The following YPEL1 variants were observed in gnomAD, a reference collection of about 807,000 sequenced individuals.
The protein encoded by YPEL1 is yippee like 1.
YPEL1 carries 7 observed loss-of-function variants against 17.3 expected under a neutral mutation model. The ratio of observed to expected loss-of-function variants is 0.40; its 90% CI spans 0.23 to 0.76. The LOEUF (loss-of-function observed/expected upper bound fraction) is 0.76. YPEL1 is among the 30% of genes least tolerant of loss of function. The pLI, the probability that YPEL1 is intolerant of heterozygous loss-of-function variation, is 0.35. For missense variants in YPEL1, 91 were observed against 155.5 expected, an observed-to-expected ratio of 0.59 and a Z score of 2.21; for synonymous variants, 59 against 59.6, an observed-to-expected ratio of 0.99 and a Z score of 0.05.
chr22:21,698,261 CAAAAA>C lies in YPEL1; in HGVS notation c.*2863_*2867del, dbSNP rs35100577. The C allele has an allele frequency of 8.1e-6, 1 of 123,204 alleles. No homozygotes were observed. The highest frequency in any genetic ancestry group is 3.1e-5 in the African/African-American group (1 of 32,086). The allele number at this position is 123,204 out of a possible 1,614,324, so 7.6% of individuals were successfully genotyped here. A position where few individuals can be genotyped will look rare whatever the true frequency, so the allele number is the denominator to read the frequency against. ...ATAAAAGTGTTGTTGGTATAAATTA[CAAAAA>C]AAAAAAAAAATACAAAAGTCATAAG... On this transcript the variant is annotated 3_prime_UTR_variant, in exon 5 of 5. Transcript: ENST00000339468.
Position 21,703,714 on chromosome 22 carries a change from G to GGGA in YPEL1, c.161+124_161+125insTCC, listed in dbSNP as rs2148595639. 1.8e-6 allele frequency: 2 copies of GGGA among 1,120,356 alleles called. No homozygotes were observed. Among genetic ancestry groups the GGGA allele is most frequent in the African/African-American group, 1.6e-5 (1 of 61,458 alleles). The allele number at this position is 1,120,356 out of a possible 1,614,324, so 69.4% of individuals were successfully genotyped here. A position where few individuals can be genotyped will look rare whatever the true frequency, so the allele number is the denominator to read the frequency against. On this transcript the variant is annotated intron_variant, in intron 3 of 4. Transcript: ENST00000339468. The surrounding 1 kb of genome is among the most constrained non-coding windows in gnomAD (Gnocchi z 6.1). ...AGCGCGTTTCAGAAACTCCCGGCGG[G>GGGA]GGGATGGTGGGTTCTTTCAGGACCC...
chr22:21,701,444 C>A (rs748223800), intron 4 of YPEL1, among the ~76,000 whole-genome samples: 1 of 152,178 alleles, frequency 6.6e-6, no homozygotes, highest in Non-Finnish European at 1.5e-5. Flanking sequence ...GTGCTCGCTT[C>A]GGCAGCGCAT....
intron 2 of YPEL1, chr22:21,710,396 C>G (rs1285280011): frequency 5.3e-6 from 3 of 565,504 alleles, no homozygotes; most frequent in Non-Finnish European, 9.5e-6. Flanking sequence ...CTGGGAGTGC[C>G]AGCTGCCTGG....
intron 1 of YPEL1, among the ~76,000 whole-genome samples, chr22:21,718,575 C>T (rs2068251190): frequency 5.9e-5 from 9 of 152,276 alleles, no homozygotes; most frequent in Admixed American, 5.2e-4. Context: ...CAGGTGGATA[C>T]AGACAGCACA....
rs535675530 is a variant in YPEL1, at chr22:21,706,158, C to T, written c.118-2276G>A. ...AAAAAATTTTAAGAAAGGCTGGGCG[C>T]GGTGGTTCATGCCTGTAATCCCAGT... On this transcript the variant is annotated intron_variant, in intron 2 of 4. Coordinates refer to ENST00000339468, the MANE Select transcript of YPEL1 (RefSeq NM_013313.5). 8.0e-5 allele frequency among the ~76,000 whole-genome samples: 12 copies of T among 150,716 alleles called. 1 individual carries two copies. Among genetic ancestry groups the T allele is most frequent in the African/African-American group, 2.4e-4 (10 of 40,996 alleles).
chr22:21,717,218 A>G lies in YPEL1; in HGVS notation c.-164-6310T>C, dbSNP rs191677467. 3.9e-5 allele frequency among the ~76,000 whole-genome samples: 6 copies of G among 152,196 alleles called. No homozygotes were observed. The East Asian group carries it at 1.2e-3, about 29-fold the overall frequency. ...CGGTGAAACCCCGTCTCTACTAAAA[A>G]TACAAAAATTAGCCGGGCGTGGTGG... is the stretch of plus-strand genomic sequence containing the variant. On this transcript the variant is annotated intron_variant, in intron 1 of 4. Coordinates refer to ENST00000339468, the MANE Select transcript of YPEL1 (RefSeq NM_013313.5).
chr22:21,734,785 C>T (rs1171350459), intron 1 of YPEL1, among the ~76,000 whole-genome samples: 1 of 152,170 alleles, frequency 6.6e-6, no homozygotes, highest in Non-Finnish European at 1.5e-5. Flanking sequence ...CCTGGAAAGT[C>T]TCCCCAGTGG....
At chr22:21,709,077 C>T (rs1483452410) in intron 2 of YPEL1, among the ~76,000 whole-genome samples, 8 of 152,232 alleles carry the variant, frequency 5.3e-5, no homozygotes, top group East Asian at 3.9e-4. Context: ...GGCATGCTTC[C>T]GAAACAAAAC....
intron 2 of YPEL1, among the ~76,000 whole-genome samples, chr22:21,709,010 G>C (rs556151650): frequency 1.3e-5 from 2 of 152,234 alleles, no homozygotes; most frequent in East Asian, 3.9e-4. Flanking sequence ...ATGACCTCCA[G>C]GCTGTTCAAC....
Position 21,710,722 on chromosome 22 carries a change from T to C in YPEL1, c.23A>G (p.Lys8Arg). ...GTTCGGCAGATACGCTTGGAAAGTT[T>C]TGGACTTTGTCATTTTCACCATCTC... MVKMTKS[K>R]TFQAYLPNCH... The change falls in exon 2 of 5, where the codon AAA (lysine) becomes AGA (arginine). Residue 8 changes from lysine (K) to arginine (R), a missense_variant. Coordinates refer to ENST00000339468, the MANE Select transcript of YPEL1 (RefSeq NM_013313.5). The C allele has an allele frequency of 1.9e-6, 3 of 1,614,242 alleles. No individual in the cohort carries two copies. Among genetic ancestry groups the C allele is most frequent in the East Asian group, 2.2e-5 (1 of 44,882 alleles).
intron 1 of YPEL1, among the ~76,000 whole-genome samples, chr22:21,734,469 G>A (rs2068417981): frequency 6.6e-6 from 1 of 152,150 alleles, no homozygotes; most frequent in South Asian, 2.1e-4. Context: ...TTTAAAAGAA[G>A]ACTATTGCTC....
At position 21,701,022 on chromosome 22, in the gene YPEL1, T is replaced by G; in HGVS notation, c.*107A>C. ...TCAAGAGCTATGCGCAGCTAGCCTTTGAGGTCAGAGGGCAAGAAAGGCTGT... is the reference window on the plus strand; with the variant it reads ...TCAAGAGCTATGCGCAGCTAGCCTTGGAGGTCAGAGGGCAAGAAAGGCTGT... On this transcript the variant is annotated 3_prime_UTR_variant, in exon 5 of 5. Transcript: ENST00000339468. 1.0e-6 allele frequency: 1 copy of G among 973,544 alleles called. No homozygotes were observed. Among genetic ancestry groups the G allele is most frequent in the Non-Finnish European group, 1.6e-6 (1 of 628,178 alleles). The allele number at this position is 973,544 out of a possible 1,614,324, so 60.3% of individuals were successfully genotyped here. A position where few individuals can be genotyped will look rare whatever the true frequency, so the allele number is the denominator to read the frequency against.
chr22:21,732,297 CTT>C (rs2068395568), intron 1 of YPEL1, among the ~76,000 whole-genome samples: 1 of 152,220 alleles, frequency 6.6e-6, no homozygotes, highest in African/African-American at 2.4e-5. Context: ...GCTCAAATCT[CTT>C]GTCAAAATTC....
Position 21,703,264 on chromosome 22 carries a change from A to T in YPEL1, c.270+106T>A. The T allele has an allele frequency of 1.0e-6, 1 of 975,950 alleles. No individual in the cohort carries two copies. Among genetic ancestry groups the T allele is most frequent in the Non-Finnish European group, 1.6e-6 (1 of 628,382 alleles). The allele number at this position is 975,950 out of a possible 1,614,324, so 60.5% of individuals were successfully genotyped here. A position where few individuals can be genotyped will look rare whatever the true frequency, so the allele number is the denominator to read the frequency against. ...CGGCTGAGGAACTGGGGTTTCTGAA[A>T]GTGCTGTGACTGGTACCATGGGCCA... On this transcript the variant is annotated intron_variant, in intron 4 of 4. Transcript: ENST00000339468. The surrounding 1 kb of genome is among the most constrained non-coding windows in gnomAD (Gnocchi z 6.1).
At chr22:21,702,912 C>T (rs2068079520) in intron 4 of YPEL1, among the ~76,000 whole-genome samples, 1 of 152,138 alleles carries the variant, frequency 6.6e-6, no homozygotes, top group African/African-American at 2.4e-5. Flanking sequence ...AATTCAAGGT[C>T]CCTGAGAAAG....
chr22:21,706,445 A>T (rs1012894241), intron 2 of YPEL1, among the ~76,000 whole-genome samples: 3 of 152,082 alleles, frequency 2.0e-5, no homozygotes, highest in African/African-American at 7.2e-5. Flanking sequence ...ACAAAAAAAA[A>T]AAAAAGAAAA....
intron 1 of YPEL1, among the ~76,000 whole-genome samples, chr22:21,723,930 G>A (rs1206110607): frequency 1.3e-5 from 2 of 152,098 alleles, no homozygotes; most frequent in Non-Finnish European, 2.9e-5. Context: ...GCCTCCCAAA[G>A]TGCTGGGATT....
At position 21,700,767 on chromosome 22, in the gene YPEL1, AC is replaced by A; in HGVS notation, c.*361del. On this transcript the variant is annotated 3_prime_UTR_variant, in exon 5 of 5. Transcript: ENST00000339468. ...TGGGATTACAGGCGTGAGCCACCGC[AC>A]CCGGCCCCAGTTTGGTTTTCAACTG... 1 of 171,976 alleles carries A rather than the reference AC, an allele frequency of 5.8e-6. No individual in the cohort carries two copies. The highest frequency in any genetic ancestry group is 1.2e-5 in the Non-Finnish European group (1 of 80,420). 10.7% of individuals were successfully genotyped at this position (171,976 alleles called of 1,614,324 possible).
intron 1 of YPEL1, among the ~76,000 whole-genome samples, chr22:21,711,176 C>T (rs1334302757): frequency 6.6e-6 from 1 of 152,044 alleles, no homozygotes; most frequent in Non-Finnish European, 1.5e-5. Flanking sequence ...GAACACGCCA[C>T]CAAGCCTGGC....
Sources: gnomAD v4.1 joint callset for allele counts (sites outside exome capture counted in the v4.1 genomes callset) on GRCh38, gnomAD v4.1.1 for gene constraint, Gnocchi (gnomAD v3.1) non-coding constraint, MANE v1.5 for transcripts, NCBI Gene and HGNC (gene_info 2026-07-23, HGNC 2026-07-21) for gene names.